MEG3: variants seen among roughly 807,000 people sequenced by gnomAD.
MEG3 encodes Very putative protein from MEG3 locus.
At chr14:100,855,175 G>C (rs7160821), upstream of MEG3, 1 of 152,502 alleles carries the variant, frequency 6.6e-6, no homozygotes, top group Non-Finnish European at 1.5e-5. Context: ...CTTGGTATCC[G>C]AGTTTGGGAG....
intron 2 of MEG3, among the ~76,000 whole-genome samples, chr14:100,843,360 C>T (rs755865784): frequency 2.0e-5 from 3 of 151,696 alleles, no homozygotes; most frequent in Non-Finnish European, 2.9e-5. Flanking sequence ...TAGGACGTGG[C>T]GATGGTGAGA....
rs530377048 is a variant in MEG3, at chr14:100,835,223, C to G, written n.2255C>G. Reference sequence around the variant, plus strand: ...GCTGAACTGTTCTGGACCCCTGGCCCTGAGTCTCTCAGGACCAAAGTGGGC... The same window carrying G: ...GCTGAACTGTTCTGGACCCCTGGCCGTGAGTCTCTCAGGACCAAAGTGGGC... On this transcript the variant is annotated non_coding_transcript_exon_variant, in exon 1 of 4. Transcript: ENST00000398461. The G allele has an allele frequency of 3.2e-4, 58 of 182,346 alleles. 1 individual carries two copies. In the South Asian group the frequency reaches 5.1e-3, roughly 16 times the overall value. 11.3% of individuals were successfully genotyped at this position (182,346 alleles called of 1,614,324 possible).
upstream of MEG3, chr14:100,854,214 G>A (rs1203541550): frequency 6.6e-6 from 1 of 152,180 alleles, no homozygotes; most frequent in Non-Finnish European, 1.5e-5. Flanking sequence ...AAGTACTTTT[G>A]CATTACTTTA....
At chr14:100,860,181 TG>T (rs1351834215) in exon 1 of MEG3, 1 of 182,684 alleles carries the variant, frequency 5.5e-6, no homozygotes, top group Non-Finnish European at 1.2e-5. Context: ...CAGCCTGCTC[TG>T]GGGAGACAGT....
intron 1 of MEG3, among the ~76,000 whole-genome samples, chr14:100,827,138 C>A (rs1231181948): frequency 3.3e-5 from 5 of 152,028 alleles, no homozygotes; most frequent in African/African-American, 7.2e-5. Context: ...AAAATCCTGA[C>A]ATGTTGCAGT....
chr14:100,853,168 C>G (rs923919873), upstream of MEG3: 1 of 152,204 alleles, frequency 6.6e-6, no homozygotes, highest in Admixed American at 6.5e-5. Context: ...CCTGTCTGGT[C>G]AGGGCCTATC....
exon 3 of MEG3, chr14:100,829,160 A>G (rs2037331370): frequency 6.6e-6 from 1 of 152,192 alleles, no homozygotes; most frequent in Admixed American, 6.5e-5. Flanking sequence ...CCTCTTACCT[A>G]AAGACTTAAA....
At chr14:100,844,219 G>T (rs979957887) in intron 2 of MEG3, among the ~76,000 whole-genome samples, 4 of 152,076 alleles carry the variant, frequency 2.6e-5, no homozygotes, top group South Asian at 2.1e-4. Context: ...CTTTGTGGGG[G>T]TGTCCCATGG....
upstream of MEG3, chr14:100,855,347 C>A (rs1254656878): frequency 6.6e-6 from 1 of 152,218 alleles, no homozygotes; most frequent in Non-Finnish European, 1.5e-5. Context: ...AAGCAAACAC[C>A]CTTTCTTGTA....
chr14:100,844,474 C>T (rs1033255974), intron 2 of MEG3, among the ~76,000 whole-genome samples: 6 of 151,970 alleles, frequency 3.9e-5, no homozygotes, highest in African/African-American at 1.5e-4. Context: ...AATGAATAAA[C>T]TTTTTTTCTG....
chr14:100,841,535 T>C (rs1004238825), intron 2 of MEG3, among the ~76,000 whole-genome samples: 1 of 152,134 alleles, frequency 6.6e-6, no homozygotes, highest in Non-Finnish European at 1.5e-5. Context: ...AAACCAGCGA[T>C]CCCAGAGGCC....
chr14:100,830,619 A>C (rs924954060), downstream of MEG3: 2 of 152,324 alleles, frequency 1.3e-5, no homozygotes, highest in East Asian at 3.9e-4. Flanking sequence ...TTAATTCAAC[A>C]AACATTTTCT....
chr14:100,849,914 C>T (rs1398324134), intron 3 of MEG3: 2 of 152,080 alleles, frequency 1.3e-5, no homozygotes, highest in African/African-American at 4.8e-5. Flanking sequence ...ATACATTACA[C>T]CTTTCAAAGA....
At chr14:100,852,784 G>C (rs966528985), upstream of MEG3, 2 of 214,728 alleles carry the variant, frequency 9.3e-6, no homozygotes, top group African/African-American at 4.7e-5. Context: ...AGGAACAAGC[G>C]ACGTTGGCTG....
Position 100,841,593 on chromosome 14 carries a change from G to A in MEG3, n.3046-3865G>A, listed in dbSNP as rs959571304. Reference sequence around the variant, plus strand: ...CGGTGAGCCGGCAGCAGGCCCTGGAGGTGAAGCCCCTGCCAGTTGCCAGCT... The same window carrying A: ...CGGTGAGCCGGCAGCAGGCCCTGGAAGTGAAGCCCCTGCCAGTTGCCAGCT... On this transcript the variant is annotated intron_variant and non_coding_transcript_variant, in intron 2 of 3. Coordinates refer to the MEG3 transcript ENST00000398461. 1.8e-4 allele frequency among the ~76,000 whole-genome samples: 27 copies of A among 152,350 alleles called. 1 individual carries two copies. Among genetic ancestry groups the A allele is most frequent in the Admixed American group, 1.6e-3 (25 of 15,310 alleles).
At chr14:100,840,889 C>A (rs2037735774) in intron 2 of MEG3, among the ~76,000 whole-genome samples, 1 of 152,216 alleles carries the variant, frequency 6.6e-6, no homozygotes, top group Non-Finnish European at 1.5e-5. Context: ...CTGCGCCGGC[C>A]TCCGCGCTCA....
At chr14:100,839,530 G>C (rs1001632515) in intron 2 of MEG3, among the ~76,000 whole-genome samples, 2 of 152,194 alleles carry the variant, frequency 1.3e-5, no homozygotes, top group Non-Finnish European at 2.9e-5. Flanking sequence ...AGAGGGTCTC[G>C]TATGGAGCCC....
At chr14:100,829,249 C>T (rs545383541), downstream of MEG3, 14 of 152,238 alleles carry the variant, frequency 9.2e-5, no homozygotes, top group Non-Finnish European at 1.6e-4. Flanking sequence ...TGAGTACTTT[C>T]CTATAAGTCT....
At chr14:100,853,727 T>G (rs946916891), upstream of MEG3, 7 of 152,228 alleles carry the variant, frequency 4.6e-5, no homozygotes, top group African/African-American at 1.7e-4. Flanking sequence ...GTTATTCTTA[T>G]GTATAACCAC....
Sources: gnomAD v4.1 joint callset for allele counts (sites outside exome capture counted in the v4.1 genomes callset) on GRCh38, gnomAD v4.1.1 for gene constraint, MANE v1.5 for transcripts, NCBI Gene and HGNC (gene_info 2026-07-23, HGNC 2026-07-21) for gene names.